SMURF1: variants seen among roughly 807,000 people sequenced by gnomAD.
The protein encoded by SMURF1 is E3 ubiquitin-protein ligase SMURF1.
Under a neutral mutation model 98.0 loss-of-function variants are expected in SMURF1, and 44 were observed. The ratio of observed to expected loss-of-function variants is 0.45; its 90% CI spans 0.35 to 0.58. SMURF1 has a LOEUF of 0.58. Ranked by LOEUF, SMURF1 falls within the 20% of genes least tolerant of loss-of-function variation. The pLI is 0.00. For missense variants in SMURF1, 687 were observed against 938.4 expected (o/e 0.73, Z 3.50); for synonymous variants, 396 against 374.9 (o/e 1.06, Z -0.65).
intron 13 of SMURF1, among the ~76,000 whole-genome samples, chr7:99,039,357 T>C (rs764867853): frequency 6.6e-5 from 10 of 152,010 alleles, no homozygotes; most frequent in Non-Finnish European, 1.3e-4. Context: ...TTTCTTTCTT[T>C]TTTTTTGAGA....
At chr7:99,103,902 T>C (rs1365176433) in intron 1 of SMURF1, among the ~76,000 whole-genome samples, 7 of 152,036 alleles carry the variant, frequency 4.6e-5, no homozygotes, top group Non-Finnish European at 8.8e-5. Flanking sequence ...CTTTTTTTTT[T>C]TTTTTTTTGA....
chr7:99,054,558 G>T (rs1043307357), intron 6 of SMURF1, among the ~76,000 whole-genome samples: 1 of 151,846 alleles, frequency 6.6e-6, no homozygotes, highest in Admixed American at 6.6e-5. Context: ...CACCTGCCTC[G>T]GCCTCCCAAA....
In SMURF1 at chr7:99,038,603, C is replaced by A. The variant is rs113906733; in HGVS notation, c.1551-78G>T. 18 of 1,537,402 alleles carry A rather than the reference C, an allele frequency of 1.2e-5. No homozygotes were observed. The African/African-American group carries it at 1.9e-4, about 16-fold the overall frequency. ...CCATTGGGTAGACAGAAAACATTTA[C>A]GACTGCCAAACCCGGGGCTGCAAGA... On this transcript the variant is annotated intron_variant, in intron 13 of 17. Coordinates refer to ENST00000361368, the MANE Select transcript of SMURF1 (RefSeq NM_181349.3).
chr7:99,080,407 C>G (rs1412764037), intron 1 of SMURF1, among the ~76,000 whole-genome samples: 1 of 152,202 alleles, frequency 6.6e-6, no homozygotes, highest in Admixed American at 6.5e-5. Context: ...TCAAGTGATT[C>G]CCCTGCCTCA....
intron 1 of SMURF1, among the ~76,000 whole-genome samples, chr7:99,141,731 A>C (rs753018771): frequency 2.6e-5 from 4 of 152,202 alleles, no homozygotes; most frequent in Non-Finnish European, 4.4e-5. Context: ...CTCTCAAAGT[A>C]AATTTTAGTT....
intron 1 of SMURF1, among the ~76,000 whole-genome samples, chr7:99,119,395 T>C (rs998193358): frequency 6.6e-6 from 1 of 152,000 alleles, no homozygotes; most frequent in African/African-American, 2.4e-5. Context: ...AAAGAGTAAA[T>C]ATGTAAATAA....
intron 1 of SMURF1, among the ~76,000 whole-genome samples, chr7:99,068,577 G>C (rs764026028): frequency 6.6e-6 from 1 of 152,112 alleles, no homozygotes; most frequent in African/African-American, 2.4e-5. Flanking sequence ...TGAGATTACA[G>C]GACTAAGCCA....
At chr7:99,079,220 T>C (rs1046419680) in intron 1 of SMURF1, among the ~76,000 whole-genome samples, 7 of 152,336 alleles carry the variant, frequency 4.6e-5, no homozygotes, top group African/African-American at 1.7e-4. Flanking sequence ...TGCTTGGCCA[T>C]GCCCACCCCC....
intron 1 of SMURF1, among the ~76,000 whole-genome samples, chr7:99,143,147 G>A (rs534590766): frequency 2.8e-5 from 4 of 141,696 alleles, no homozygotes; most frequent in East Asian, 4.4e-4. Context: ...GTTAGGAGGC[G>A]GGAGCAGAGA....
At chr7:99,111,489 A>G (rs1797322673) in intron 1 of SMURF1, among the ~76,000 whole-genome samples, 3 of 152,208 alleles carry the variant, frequency 2.0e-5, no homozygotes, top group Admixed American at 6.5e-5. Context: ...TACCCAGTCT[A>G]TGGTATTCTG....
chr7:99,047,543 G>C, intron 10 of SMURF1, 141 bp downstream of exon 10: 1 of 815,292 alleles, frequency 1.2e-6, no homozygotes, highest in Non-Finnish European at 1.9e-6. Context: ...ACAGAAAGAA[G>C]GGTTCCCTGA....
At chr7:99,048,355 C>T (rs548326406) in intron 9 of SMURF1, 4 of 164,122 alleles carry the variant, frequency 2.4e-5, no homozygotes, top group Admixed American at 1.7e-4. Flanking sequence ...CGCCACTGCC[C>T]TCCAGCCTGG....
chr7:99,035,451 A>G (rs1795098216), intron 16 of SMURF1, 64 bp downstream of exon 16: 1 of 1,580,222 alleles, frequency 6.3e-7, no homozygotes, highest in Non-Finnish European at 8.7e-7. Context: ...GCCACCTTCC[A>G]GCTCTTCCTG....
chr7:99,101,809 G>A (rs996083770), intron 1 of SMURF1, among the ~76,000 whole-genome samples: 2 of 152,104 alleles, frequency 1.3e-5, no homozygotes, highest in Non-Finnish European at 2.9e-5. Context: ...GCGTGGTGGT[G>A]TGCGCCTGTA....
At chr7:99,050,925 A>G in intron 8 of SMURF1, 1 of 1,549,760 alleles carries the variant, frequency 6.5e-7, no homozygotes, top group African/African-American at 1.4e-5. Flanking sequence ...CTGGGCTCAG[A>G]TGTATGGCCT....
At position 99,057,501 on chromosome 7, in the gene SMURF1, T is replaced by C; in HGVS notation, c.254A>G (p.Lys85Arg). ...SITISVWNHK[K>R]IHKKQGAGFL... The stretch of plus-strand genomic sequence containing the variant: ...GCCAGCTCCCTGTTTCTTGTGAATT[T>C]TCTTATGGTTCCACACGCTAATGGT... Residue 85 changes from lysine (K) to arginine (R), a missense_variant, in exon 4 of 18, where the codon AAA becomes AGA. Physicochemically the swap from Lys to Arg is conservative, Grantham distance 26. This residue lies in a region of SMURF1 where 415 missense variants were observed against 508.4 expected (regional missense o/e 0.82). Transcript: ENST00000361368. 1 of 1,588,254 alleles carries C rather than the reference T, an allele frequency of 6.3e-7. No individual in the cohort carries two copies. The highest frequency in any genetic ancestry group is 8.5e-7 in the Non-Finnish European group (1 of 1,174,012).
chr7:99,072,168 C>T (rs1483497489), intron 1 of SMURF1, among the ~76,000 whole-genome samples: 1 of 152,024 alleles, frequency 6.6e-6, no homozygotes, highest in Non-Finnish European at 1.5e-5. Flanking sequence ...TATTTTCTCT[C>T]TCTGTGTTCT....
chr7:99,036,999 A>G (rs1311567037), intron 15 of SMURF1, 68 bp downstream of exon 15: 2 of 1,608,496 alleles, frequency 1.2e-6, no homozygotes, highest in Admixed American at 3.3e-5. Flanking sequence ...CCCTGCAGCA[A>G]GGATTTAAAA....
chr7:99,070,965 C>T (rs569810507), intron 1 of SMURF1, among the ~76,000 whole-genome samples: 1 of 151,782 alleles, frequency 6.6e-6, no homozygotes, highest in Admixed American at 6.6e-5. Flanking sequence ...ATATATTCTG[C>T]AGGTTCAAAG....
Sources: allele counts gnomAD v4.1 joint callset (sites outside exome capture counted in the v4.1 genomes callset), GRCh38; gene constraint gnomAD v4.1.1; regional missense constraint gnomAD v4.1.1; transcripts MANE v1.5; gene names NCBI Gene and HGNC (gene_info 2026-07-23, HGNC 2026-07-21).